CSRNP1: variants seen among roughly 807,000 people sequenced by gnomAD.
The protein encoded by CSRNP1 is cysteine/serine-rich nuclear protein 1.
A neutral mutation model predicts 25.0 loss-of-function variants in CSRNP1; 8 were observed. The ratio of observed to expected loss-of-function variants is 0.32; its 90% CI spans 0.19 to 0.58. CSRNP1 has a LOEUF of 0.58. Ranked by LOEUF, CSRNP1 falls within the 20% of genes least tolerant of loss-of-function variation. The pLI, the probability that CSRNP1 is intolerant of heterozygous loss-of-function variation, is 0.88. For missense variants in CSRNP1, 691 were observed against 773.1 expected, an observed-to-expected ratio of 0.89 and a Z score of 1.26; for synonymous variants, 305 against 303.1, an observed-to-expected ratio of 1.01 and a Z score of -0.06.
At position 39,144,394 on chromosome 3, in the gene CSRNP1, T is replaced by C. The variant is rs1414744505; in HGVS notation, c.523A>G (p.Ile175Val). The change falls in exon 4 of 5, where the codon ATT becomes GTT. Residue 175 changes from isoleucine (I) to valine (V), a missense_variant. Ile to Val is a conservative substitution (Grantham distance 29). Transcript: ENST00000273153. ...EAGLPPVVDA[I>V]DDASVEEDLA... is the part of the protein sequence containing the mutation. Reference sequence around the variant, plus strand: ...TCCTCCTCCACAGAGGCGTCATCAATGGCATCCACCACAGGTGGCAGCCCT... The same window carrying C: ...TCCTCCTCCACAGAGGCGTCATCAACGGCATCCACCACAGGTGGCAGCCCT... The C allele has an allele frequency of 8.7e-6, 14 of 1,613,380 alleles. No individual in the cohort carries two copies. Among genetic ancestry groups the C allele is most frequent in the Non-Finnish European group, 1.2e-5 (14 of 1,179,728 alleles).
chr3:39,146,039 T>G (rs1370576346), intron 2 of CSRNP1, among the ~76,000 whole-genome samples: 1 of 152,050 alleles, frequency 6.6e-6, no homozygotes, highest in African/African-American at 2.4e-5. Flanking sequence ...AGCTTGAAAA[T>G]AACCAGGAAA....
chr3:39,147,456 C>T (rs1400063909), intron 1 of CSRNP1, among the ~76,000 whole-genome samples: 1 of 152,108 alleles, frequency 6.6e-6, no homozygotes, highest in African/African-American at 2.4e-5. Context: ...CTGAGCCCTT[C>T]CCCTCCCGGT....
At chr3:39,147,235 G>GTGTGTGTA (rs1553689795) in intron 1 of CSRNP1, among the ~76,000 whole-genome samples, 1 of 149,370 alleles carries the variant, frequency 6.7e-6, no homozygotes, top group Non-Finnish European at 1.5e-5. Context: ...GTGTGTGTGT[G>GTGTGTGTA]TATGTGTGTG....
At position 39,142,821 on chromosome 3, in the gene CSRNP1, TG is replaced by T. The variant is rs1362841435; in HGVS notation, c.*233del. 8 of 420,518 alleles carry T rather than the reference TG, an allele frequency of 1.9e-5. No homozygotes were observed. The highest frequency in any genetic ancestry group is 3.0e-5 in the Non-Finnish European group (7 of 237,096). 26.0% of individuals were successfully genotyped at this position (420,518 alleles called of 1,614,324 possible). A position where few individuals can be genotyped will look rare whatever the true frequency, so the allele number is the denominator to read the frequency against. The stretch of plus-strand genomic sequence containing the variant: ...TGGAGATAGAAGAGCAAGCTGTGGG[TG>T]TGGGGGGCCGGGCAGCTGAAAGGGG... On this transcript the variant is annotated 3_prime_UTR_variant, in exon 5 of 5. Coordinates refer to ENST00000273153, the MANE Select transcript of CSRNP1 (RefSeq NM_033027.4).
chr3:39,154,535 T>C (rs911516687), upstream of CSRNP1: 1 of 152,392 alleles, frequency 6.6e-6, no homozygotes, highest in African/African-American at 2.4e-5. Context: ...CTGCAGCCGG[T>C]CTTCTCGACT....
chr3:39,149,110 A>G (rs1016107702), intron 1 of CSRNP1: 6 of 128,250 alleles, frequency 4.7e-5, no homozygotes, highest in African/African-American at 1.6e-4. Flanking sequence ...GTTATTCCAC[A>G]CTGTTTAAAA....
chr3:39,147,848 C>T (rs1212064945), intron 1 of CSRNP1, among the ~76,000 whole-genome samples: 1 of 152,162 alleles, frequency 6.6e-6, no homozygotes, highest in East Asian at 1.9e-4. Context: ...GTTGCTCCAG[C>T]TGGGCCTTCG....
chr3:39,147,363 C>T (rs954036021), intron 1 of CSRNP1, among the ~76,000 whole-genome samples: 9 of 152,162 alleles, frequency 5.9e-5, no homozygotes, highest in African/African-American at 1.4e-4. Flanking sequence ...GGCAGGGCTG[C>T]GGGCCCTTGC....
chr3:39,146,757 C>A, intron 1 of CSRNP1, 35 bp from the exon 2 acceptor site: 1 of 1,519,208 alleles, frequency 6.6e-7, no homozygotes, highest in Non-Finnish European at 8.8e-7. Flanking sequence ...AAGTGGCAGG[C>A]AGGCAGCAGC....
intron 1 of CSRNP1, among the ~76,000 whole-genome samples, chr3:39,146,995 C>G (rs2039521952): frequency 6.6e-6 from 1 of 152,078 alleles, no homozygotes; most frequent in South Asian, 2.1e-4. Context: ...TCCCAGGCAC[C>G]AGGCACCTTC....
At chr3:39,154,387 C>G (rs1164193145), upstream of CSRNP1, 1 of 152,260 alleles carries the variant, frequency 6.6e-6, no homozygotes, top group Non-Finnish European at 1.5e-5. Context: ...AAGGCCTTTC[C>G]TGACTCGGGG....
chr3:39,143,337 A>G lies in CSRNP1; in HGVS notation c.1488T>C (p.Asp496=), dbSNP rs768790408. 1 of 1,614,188 alleles carries G rather than the reference A, an allele frequency of 6.2e-7. No homozygotes were observed. The highest frequency in any genetic ancestry group is 2.2e-5 in the East Asian group (1 of 44,884). ...SMDAGRSSSV[D]LSLSSCDSFE... Reference sequence around the variant, plus strand: ...AGGAGTCACAAGAAGACAAGCTGAGATCCACTGAGCTACTCCGGCCAGCGT... The same window carrying G: ...AGGAGTCACAAGAAGACAAGCTGAGGTCCACTGAGCTACTCCGGCCAGCGT... Residue 496 remains aspartate (D), a synonymous_variant, in exon 5 of 5, where the codon GAT becomes GAC. Coordinates refer to ENST00000273153, the MANE Select transcript of CSRNP1 (RefSeq NM_033027.4).
In CSRNP1 at chr3:39,143,660, C is replaced by T. The variant is rs141310941; in HGVS notation, c.1165G>A (p.Asp389Asn). Residue 389 changes from aspartate (D) to asparagine (N), a missense_variant, in exon 5 of 5, where the codon GAC becomes AAC. Physicochemically the swap from Asp to Asn is conservative, Grantham distance 23. Coordinates refer to ENST00000273153, the MANE Select transcript of CSRNP1 (RefSeq NM_033027.4). ...GPGFQPGVDD[D>N]SLARILSFSD... ...AAACTCAAGATGCGTGCCAGGCTGT[C>T]ATCATCAACGCCAGGCTGGAAGCCA... is the stretch of plus-strand genomic sequence containing the variant. 8.3e-5 allele frequency: 134 copies of T among 1,614,042 alleles called. No individual in the cohort carries two copies. The highest frequency in any genetic ancestry group is 1.1e-4 in the Non-Finnish European group (127 of 1,180,030).
intron 1 of CSRNP1, 127 bp from the exon 2 acceptor site, chr3:39,146,849 T>G: frequency 7.5e-7 from 1 of 1,326,036 alleles, no homozygotes; most frequent in Non-Finnish European, 1.0e-6. Flanking sequence ...CCTCCAGCCC[T>G]GCCTGTGGAG....
chr3:39,143,058 C>T lies in CSRNP1; in HGVS notation c.1767G>A (p.Val589=). The change falls in exon 5 of 5, where the codon GTG becomes GTA. Residue 589 remains valine, a synonymous_variant. Coordinates refer to ENST00000273153, the MANE Select transcript of CSRNP1 (RefSeq NM_033027.4). ...CTGGGAAAAGACATCCTGGTCCTCA[C>T]ACCGGCACAGGCTCCATTAGAGATG... The part of the protein sequence containing the change: ...VPASLMEPVP[V] The T allele has an allele frequency of 4.5e-6, 7 of 1,567,542 alleles. No individual in the cohort carries two copies. The highest frequency in any genetic ancestry group is 6.1e-6 in the Non-Finnish European group (7 of 1,154,392).
rs114472137 is a variant in CSRNP1, at chr3:39,146,319, G to C, written c.205+159C>G. Among the ~76,000 whole-genome samples, 501 of 152,352 alleles carry C rather than the reference G, an allele frequency of 3.3e-3. 4 individuals carry two copies. Among genetic ancestry groups the C allele is most frequent in the African/African-American group, 0.011 (460 of 41,584 alleles). ...AATTAGCTGGGCTCAGGTGCCCCTGGACAGTGGACACTGAGTGACCACTAT... is the reference window on the plus strand; with the variant it reads ...AATTAGCTGGGCTCAGGTGCCCCTGCACAGTGGACACTGAGTGACCACTAT... On this transcript the variant is annotated intron_variant, in intron 2 of 4. Coordinates refer to ENST00000273153, the MANE Select transcript of CSRNP1 (RefSeq NM_033027.4).
At chr3:39,154,148 G>C (rs1198608438), upstream of CSRNP1, 2 of 152,238 alleles carry the variant, frequency 1.3e-5, no homozygotes, top group African/African-American at 4.8e-5. Flanking sequence ...GGGGTGTGTG[G>C]GGAGCGGGGA....
At chr3:39,146,140 CG>C (rs2039506492) in intron 2 of CSRNP1, among the ~76,000 whole-genome samples, 1 of 152,130 alleles carries the variant, frequency 6.6e-6, no homozygotes, top group African/African-American at 2.4e-5. Flanking sequence ...AAGCATGGGG[CG>C]GGCGGGGAAC....
In CSRNP1 at chr3:39,145,233, G is replaced by A. The variant is rs755787292; in HGVS notation, c.229C>T (p.Arg77Cys). 3 of 1,606,582 alleles carry A rather than the reference G, an allele frequency of 1.9e-6. No individual in the cohort carries two copies. Among genetic ancestry groups the A allele is most frequent in the South Asian group, 2.2e-5 (2 of 90,578 alleles). The change falls in exon 3 of 5, where the codon CGC becomes TGC. Residue 77 changes from arginine (R) to cysteine (C), a missense_variant. Arg to Cys is a radical substitution (Grantham distance 180). Coordinates refer to ENST00000273153, the MANE Select transcript of CSRNP1 (RefSeq NM_033027.4). ...GCTACACGGCCTGGGCGCTCCCGGC[G>A]AGCCCGCTTCAGGATAGACAGGGCT... ...FTPLSILKRARRERPGRVAFD... is the reference protein window; with the variant it reads ...FTPLSILKRACRERPGRVAFD...
Sources: gnomAD v4.1 joint callset for allele counts (sites outside exome capture counted in the v4.1 genomes callset) on GRCh38, gnomAD v4.1.1 for gene constraint, MANE v1.5 for transcripts, NCBI Gene and HGNC (gene_info 2026-07-23, HGNC 2026-07-21) for gene names.